Variants in WWOX observed in about 807,000 individuals in gnomAD.
The protein encoded by WWOX is WW domain-containing oxidoreductase.
Under a neutral mutation model 46.2 loss-of-function variants are expected in WWOX, and 69 were observed. The ratio of observed to expected loss-of-function variants is 1.49; its 90% CI spans 1.23 to 1.82. The LOEUF (loss-of-function observed/expected upper bound fraction) is 1.82. Ranked by LOEUF, WWOX falls within the 40% of genes most tolerant of loss-of-function variation. The pLI, the probability that WWOX is intolerant of heterozygous loss-of-function variation, is 0.00. For missense variants in WWOX, 919 were observed against 542.6 expected, an observed-to-expected ratio of 1.69 and a Z score of -6.89; for synonymous variants, 359 against 202.6, an observed-to-expected ratio of 1.77 and a Z score of -6.56.
At chr16:78,758,091 A>C (rs1032036027) in intron 8 of WWOX, among the ~76,000 whole-genome samples, 1 of 152,186 alleles carries the variant, frequency 6.6e-6, no homozygotes, top group African/African-American at 2.4e-5. Context: ...GATCTAATTA[A>C]TGTTGAAATT....
rs538897952 is a variant in WWOX, at chr16:78,693,210, A to G, written c.1056+260458A>G. 4.6e-5 allele frequency among the ~76,000 whole-genome samples: 7 copies of G among 152,206 alleles called. No homozygotes were observed. The South Asian group carries it at 1.5e-3, about 32-fold the overall frequency. Reference sequence around the variant, plus strand: ...ACTCAGATATTGACTGCCTTTCTGTATTTCTGGCTGGGCATTGTTTATCTC... The same window carrying G: ...ACTCAGATATTGACTGCCTTTCTGTGTTTCTGGCTGGGCATTGTTTATCTC... On this transcript the variant is annotated intron_variant, in intron 8 of 8. Transcript: ENST00000566780.
intron 8 of WWOX, among the ~76,000 whole-genome samples, chr16:78,561,685 T>G (rs546568374): frequency 6.6e-6 from 1 of 152,102 alleles, no homozygotes; most frequent in African/African-American, 2.4e-5. Flanking sequence ...TTGAAGAAGA[T>G]ATAAACTGCA....
intron 8 of WWOX, among the ~76,000 whole-genome samples, chr16:78,914,101 G>C (rs757813521): frequency 6.6e-6 from 1 of 152,046 alleles, no homozygotes; most frequent in Admixed American, 6.6e-5. Flanking sequence ...GATGTAGGGA[G>C]GATATCACCT....
At chr16:78,762,008 T>C (rs2049806604) in intron 8 of WWOX, among the ~76,000 whole-genome samples, 1 of 152,176 alleles carries the variant, frequency 6.6e-6, no homozygotes, top group Non-Finnish European at 1.5e-5. Context: ...CAAGTAAATA[T>C]CATGAGAATT....
intron 8 of WWOX, among the ~76,000 whole-genome samples, chr16:78,971,051 G>C (rs1192554859): frequency 2.6e-5 from 4 of 151,220 alleles, no homozygotes; most frequent in Admixed American, 2.6e-4. Context: ...CTGTTTCCCA[G>C]GGTGTATATA....
At chr16:78,594,804 C>G (rs536489878) in intron 8 of WWOX, among the ~76,000 whole-genome samples, 5 of 152,242 alleles carry the variant, frequency 3.3e-5, no homozygotes, top group African/African-American at 9.6e-5. Context: ...TAGCCTCAGT[C>G]TCTCGGGATG....
chr16:78,686,510 C>CAAA (rs35577182), intron 8 of WWOX, among the ~76,000 whole-genome samples: 1 of 144,626 alleles, frequency 6.9e-6, no homozygotes, highest in African/African-American at 2.6e-5. Context: ...GACTCCCTGT[C>CAAA]AAAAAAAAAA....
chr16:78,359,945 C>T (rs1168210455), intron 5 of WWOX, among the ~76,000 whole-genome samples: 3 of 152,180 alleles, frequency 2.0e-5, no homozygotes, highest in Admixed American at 1.3e-4. Context: ...ACTCATCTTG[C>T]AAATTTGCCT....
At chr16:78,475,547 C>T (rs753634287) in intron 8 of WWOX, among the ~76,000 whole-genome samples, 5 of 152,138 alleles carry the variant, frequency 3.3e-5, no homozygotes, top group Non-Finnish European at 7.3e-5. Context: ...AGAGCCATGA[C>T]TTTCATCTTG....
At chr16:78,483,303 G>A (rs772086204) in intron 8 of WWOX, among the ~76,000 whole-genome samples, 23 of 152,080 alleles carry the variant, frequency 1.5e-4, no homozygotes, top group Admixed American at 9.8e-4. Context: ...TGGAAGAGAC[G>A]GGTCTCAGTG....
intron 8 of WWOX, among the ~76,000 whole-genome samples, chr16:78,975,617 C>T (rs1340144490): frequency 6.6e-6 from 1 of 152,128 alleles, no homozygotes; most frequent in Non-Finnish European, 1.5e-5. Flanking sequence ...AAAGGGTGAA[C>T]AGTGTTTATT....
intron 8 of WWOX, among the ~76,000 whole-genome samples, chr16:78,441,339 A>G (rs1264093991): frequency 1.3e-5 from 2 of 152,220 alleles, no homozygotes; most frequent in Admixed American, 6.5e-5. Context: ...AAATGAATAC[A>G]TGAAAGATGA....
intron 3 of WWOX, among the ~76,000 whole-genome samples, chr16:78,114,147 GAGTGC>G (rs568345142): frequency 6.8e-6 from 1 of 146,142 alleles, no homozygotes; most frequent in Non-Finnish European, 1.5e-5. Context: ...ACCCAGGCTA[GAGTGC>G]AGTGGCACAA....
At chr16:78,827,569 A>G (rs1053461246) in intron 8 of WWOX, among the ~76,000 whole-genome samples, 1 of 152,034 alleles carries the variant, frequency 6.6e-6, no homozygotes, top group African/African-American at 2.4e-5. Context: ...GTGGTAGCTC[A>G]TGCCTGTAAT....
At chr16:78,667,701 A>G (rs757505822) in intron 8 of WWOX, among the ~76,000 whole-genome samples, 6 of 149,384 alleles carry the variant, frequency 4.0e-5, no homozygotes, top group Non-Finnish European at 8.9e-5. Context: ...AAAGATAATG[A>G]TGAAAATAAT....
At chr16:78,820,608 G>C (rs12448723) in intron 8 of WWOX, among the ~76,000 whole-genome samples, 24,546 of 151,964 alleles carry the variant, frequency 0.16, 2,040 homozygotes, top group Admixed American at 0.22. Context: ...GACAACCTTG[G>C]TGAAAGCAAG....
At chr16:78,313,711 G>A (rs1051022820) in intron 5 of WWOX, among the ~76,000 whole-genome samples, 3 of 152,054 alleles carry the variant, frequency 2.0e-5, no homozygotes, top group African/African-American at 7.2e-5. Flanking sequence ...CTTCTCTGTC[G>A]ATGTCCCTGC....
intron 8 of WWOX, among the ~76,000 whole-genome samples, chr16:79,151,442 C>T (rs545371083): frequency 6.6e-6 from 1 of 152,342 alleles, no homozygotes; most frequent in East Asian, 1.9e-4. Flanking sequence ...AGACATTCCT[C>T]AGCACTGGCT....
At chr16:78,468,562 G>C (rs1359430246) in intron 8 of WWOX, among the ~76,000 whole-genome samples, 1 of 152,088 alleles carries the variant, frequency 6.6e-6, no homozygotes, top group African/African-American at 2.4e-5. Flanking sequence ...TTCCCTTGTA[G>C]CTTGATAGTT....
Sources: allele counts gnomAD v4.1 joint callset (sites outside exome capture counted in the v4.1 genomes callset), GRCh38; gene constraint gnomAD v4.1.1; transcripts MANE v1.5; gene names NCBI Gene and HGNC (gene_info 2026-07-23, HGNC 2026-07-21).